IMMP2L: variants seen among roughly 807,000 people sequenced by gnomAD.
IMMP2L encodes the protein inner mitochondrial membrane peptidase subunit 2, also known as mitochondrial inner membrane protease subunit 2.
Under a neutral mutation model 19.3 loss-of-function variants are expected in IMMP2L, and 18 were observed. That is an observed-to-expected ratio of 0.93 (90% confidence interval 0.64 to 1.38). The LOEUF (loss-of-function observed/expected upper bound fraction) is 1.38, where lower values mean the gene tolerates loss of function less well. IMMP2L is among the 40% of genes most tolerant of loss of function. The pLI, the probability that IMMP2L is intolerant of heterozygous loss-of-function variation, is 0.00. For synonymous variants in IMMP2L, 76 were observed against 73.0 expected, an observed-to-expected ratio of 1.04 and a Z score of -0.21; for missense variants, 233 against 218.2, an observed-to-expected ratio of 1.07 and a Z score of -0.43.
intron 3 of IMMP2L, among the ~76,000 whole-genome samples, chr7:111,290,921 A>G (rs1028152645): frequency 1.3e-5 from 2 of 151,828 alleles, no homozygotes; most frequent in Non-Finnish European, 2.9e-5. Flanking sequence ...AACAGTAGAG[A>G]TTTTTGTCTG....
chr7:111,242,785 G>A (rs1815263297), intron 3 of IMMP2L, among the ~76,000 whole-genome samples: 1 of 151,698 alleles, frequency 6.6e-6, no homozygotes, highest in Admixed American at 6.6e-5. Context: ...ATTCTGGGAG[G>A]CTAAAAACAC....
At chr7:110,734,729 A>G (rs1393321382) in intron 5 of IMMP2L, among the ~76,000 whole-genome samples, 1 of 152,116 alleles carries the variant, frequency 6.6e-6, no homozygotes, top group Admixed American at 6.5e-5. Context: ...TCAAACAAAC[A>G]AACAAACAAA....
At chr7:110,715,683 G>C (rs1040019676) in intron 5 of IMMP2L, among the ~76,000 whole-genome samples, 3 of 152,078 alleles carry the variant, frequency 2.0e-5, no homozygotes, top group Admixed American at 6.5e-5. Context: ...TTTGTGGTCT[G>C]TCTTTGAGCA....
chr7:111,142,755 T>A (rs1803069674), intron 3 of IMMP2L, among the ~76,000 whole-genome samples: 1 of 152,096 alleles, frequency 6.6e-6, no homozygotes, highest in Non-Finnish European at 1.5e-5. Flanking sequence ...ACAAAGCCCT[T>A]CTCCCTCAAT....
chr7:111,082,923 T>TA (rs1328823344), intron 3 of IMMP2L, among the ~76,000 whole-genome samples: 1 of 151,992 alleles, frequency 6.6e-6, no homozygotes, highest in African/African-American at 2.4e-5. Flanking sequence ...TTCCTTACCT[T>TA]AAAAACCTAA....
At chr7:111,383,800 C>T (rs1159361698) in intron 3 of IMMP2L, among the ~76,000 whole-genome samples, 1 of 152,020 alleles carries the variant, frequency 6.6e-6, no homozygotes, top group East Asian at 1.9e-4. Flanking sequence ...TCTCACTCTG[C>T]CCCTCCTGAA....
chr7:111,080,585 A>G (rs547890621), intron 3 of IMMP2L, among the ~76,000 whole-genome samples: 1 of 152,208 alleles, frequency 6.6e-6, no homozygotes, highest in African/African-American at 2.4e-5. Context: ...TAAGTGATTG[A>G]AAGGACATGG....
intron 5 of IMMP2L, among the ~76,000 whole-genome samples, chr7:110,666,423 C>T (rs143170162): frequency 0.086 from 13,060 of 151,636 alleles, 1,749 homozygotes; most frequent in African/African-American, 0.29. Context: ...TACAGGCGCC[C>T]GCCACCATGC....
chr7:111,018,922 A>C (rs1008640602), intron 3 of IMMP2L, among the ~76,000 whole-genome samples: 1 of 149,932 alleles, frequency 6.7e-6, no homozygotes, highest in East Asian at 2.0e-4. Flanking sequence ...GCAATGGTTC[A>C]ATCTTTCTAA....
intron 1 of IMMP2L, among the ~76,000 whole-genome samples, chr7:111,530,133 T>C (rs1228228867): frequency 1.3e-5 from 2 of 152,140 alleles, no homozygotes; most frequent in Non-Finnish European, 2.9e-5. Flanking sequence ...GATTCAACAG[T>C]GTGGAAATTA....
Position 111,315,731 on chromosome 7 carries a change from TAAAAA to T in IMMP2L, c.239+171502_239+171506del, listed in dbSNP as rs777273496. Among the ~76,000 whole-genome samples the T allele has an allele frequency of 5.9e-5, 8 of 136,368 alleles. No individual in the cohort carries two copies. The East Asian group carries it at 1.7e-3, about 28-fold the overall frequency. 89.5% of individuals were successfully genotyped at this position (136,368 alleles called of 152,430 possible). On this transcript the variant is annotated intron_variant, in intron 3 of 5. Coordinates refer to ENST00000405709, the MANE Select transcript of IMMP2L (RefSeq NM_032549.4). ...AAGGAAACATTTCCTAGTGGCTTCT[TAAAAA>T]AAAAAAAAAGGCTTCATTTTTCAAC...
At chr7:110,756,879 C>T (rs1016452965) in intron 5 of IMMP2L, among the ~76,000 whole-genome samples, 1 of 152,018 alleles carries the variant, frequency 6.6e-6, no homozygotes, top group Non-Finnish European at 1.5e-5. Context: ...GGAAAGGGAA[C>T]CCACTCAGTA....
At chr7:110,936,982 T>C (rs1816186928) in intron 4 of IMMP2L, among the ~76,000 whole-genome samples, 1 of 152,008 alleles carries the variant, frequency 6.6e-6, no homozygotes, top group Non-Finnish European at 1.5e-5. Context: ...ATGTTCTTAC[T>C]CATAAGTGGG....
intron 3 of IMMP2L, among the ~76,000 whole-genome samples, chr7:111,318,726 T>C: frequency 6.6e-6 from 1 of 152,144 alleles, no homozygotes; most frequent in Non-Finnish European, 1.5e-5. Flanking sequence ...TATACCATAA[T>C]GAAGAAAAAT....
chr7:111,142,928 G>A (rs934079733), intron 3 of IMMP2L, among the ~76,000 whole-genome samples: 2 of 152,056 alleles, frequency 1.3e-5, no homozygotes, highest in Admixed American at 1.3e-4. Flanking sequence ...CAGACAGAAA[G>A]CTTGTGAATA....
intron 3 of IMMP2L, among the ~76,000 whole-genome samples, chr7:111,165,634 T>G (rs983226628): frequency 1.3e-5 from 2 of 152,094 alleles, no homozygotes; most frequent in Admixed American, 1.3e-4. Flanking sequence ...GTGATTTACT[T>G]GTTTCAAGTG....
intron 3 of IMMP2L, among the ~76,000 whole-genome samples, chr7:111,170,425 A>C (rs1435489891): frequency 6.6e-6 from 1 of 151,882 alleles, no homozygotes; most frequent in Non-Finnish European, 1.5e-5. Context: ...ACTGGCAGTA[A>C]CATAAAATCC....
intron 3 of IMMP2L, among the ~76,000 whole-genome samples, chr7:111,471,103 A>AATTG (rs1841223914): frequency 6.6e-6 from 1 of 152,022 alleles, no homozygotes; most frequent in Non-Finnish European, 1.5e-5. Context: ...AATTTTTCCA[A>AATTG]AGAGTTTTTG....
chr7:110,862,012 T>G (rs1159530625), intron 5 of IMMP2L, among the ~76,000 whole-genome samples: 10 of 152,052 alleles, frequency 6.6e-5, no homozygotes, highest in Non-Finnish European at 1.3e-4. Flanking sequence ...ATATTTTAAG[T>G]GACTAATATG....
Sources: allele counts gnomAD v4.1 joint callset (sites outside exome capture counted in the v4.1 genomes callset), GRCh38; gene constraint gnomAD v4.1.1; transcripts MANE v1.5; gene names NCBI Gene and HGNC (gene_info 2026-07-23, HGNC 2026-07-21).